The following IGF1R variants were observed in gnomAD, a reference collection of about 807,000 sequenced individuals.
The protein encoded by IGF1R is insulin-like growth factor 1 receptor.
A neutral mutation model predicts 144.6 loss-of-function variants in IGF1R; 44 were observed. That is an observed-to-expected ratio of 0.30 (90% CI 0.24 to 0.39). The LOEUF is 0.39. Among genes scored for constraint, IGF1R ranks in the 10% least tolerant of loss-of-function variants. The pLI is 1.00. For missense variants in IGF1R, 1,355 were observed against 1,833.7 expected (o/e 0.74, Z 4.77); for synonymous variants, 795 against 722.8 (o/e 1.10, Z -1.60).
chr15:98,682,640 C>T lies in IGF1R; in HGVS notation c.95-24922C>T, dbSNP rs890667163. Among the ~76,000 whole-genome samples the T allele has an allele frequency of 4.6e-5, 7 of 152,120 alleles. No homozygotes were observed. The East Asian group carries it at 5.8e-4, about 13-fold the overall frequency. ...TCGGCTCACTGCAGCCTCTGCCTTC[C>T]GAGTTCCAGCAATTCTCCTGCCTCA... On this transcript the variant is annotated intron_variant, in intron 1 of 20. Transcript: ENST00000650285.
chr15:98,778,349 C>T (rs1292587302), intron 2 of IGF1R, among the ~76,000 whole-genome samples: 3 of 152,200 alleles, frequency 2.0e-5, no homozygotes, highest in Non-Finnish European at 4.4e-5. Context: ...CCTTTTGCTT[C>T]GTTCTCACAA....
chr15:98,897,265 C>T (rs1468949203), intron 4 of IGF1R: 2 of 235,746 alleles, frequency 8.5e-6, no homozygotes, highest in Non-Finnish European at 1.7e-5. Context: ...CAAATCCACA[C>T]ATCTTTCAAG....
chr15:98,809,798 C>T (rs11247376), intron 2 of IGF1R, among the ~76,000 whole-genome samples: 133,570 of 152,126 alleles, frequency 0.88, 60,177 homozygotes, highest in Middle Eastern at 0.98. Context: ...TTTGGAGGAA[C>T]GTGGTTCCGG....
intron 2 of IGF1R, among the ~76,000 whole-genome samples, chr15:98,797,552 G>T (rs557918633): frequency 6.6e-6 from 1 of 152,216 alleles, no homozygotes. Flanking sequence ...TTGGGGGAGC[G>T]GGGTGGTGTT....
chr15:98,658,575 C>G (rs1366727017), intron 1 of IGF1R, among the ~76,000 whole-genome samples: 1 of 152,172 alleles, frequency 6.6e-6, no homozygotes, highest in East Asian at 1.9e-4. Context: ...GGGACAAGAT[C>G]ATAACTTTCA....
intron 2 of IGF1R, among the ~76,000 whole-genome samples, chr15:98,886,726 GC>G (rs2013661554): frequency 6.6e-6 from 1 of 152,072 alleles, no homozygotes; most frequent in Admixed American, 6.6e-5. Flanking sequence ...ACTGCCCGGG[GC>G]TTTTCAAGAA....
At chr15:98,750,677 A>G (rs979682959) in intron 2 of IGF1R, among the ~76,000 whole-genome samples, 2 of 152,210 alleles carry the variant, frequency 1.3e-5, no homozygotes, top group African/African-American at 2.4e-5. Context: ...ATAATTGCCT[A>G]AAACTATTCA....
intron 2 of IGF1R, among the ~76,000 whole-genome samples, chr15:98,766,920 T>G (rs1596284556): frequency 6.6e-6 from 1 of 152,210 alleles, no homozygotes; most frequent in African/African-American, 2.4e-5. Context: ...GTAGAAAAAC[T>G]CCAGCTCATC....
intron 2 of IGF1R, among the ~76,000 whole-genome samples, chr15:98,844,833 A>T (rs2011251537): frequency 1.3e-5 from 2 of 152,300 alleles, no homozygotes; most frequent in Non-Finnish European, 2.9e-5. Flanking sequence ...AGCCTTGAAA[A>T]GGCCAAAAGT....
chr15:98,658,967 C>A (rs1483730921), intron 1 of IGF1R, among the ~76,000 whole-genome samples: 3 of 152,210 alleles, frequency 2.0e-5, no homozygotes, highest in Non-Finnish European at 4.4e-5. Flanking sequence ...TCATAGAAAT[C>A]AAATTCGTAC....
intron 2 of IGF1R, among the ~76,000 whole-genome samples, chr15:98,766,927 C>T (rs1455408140): frequency 1.3e-5 from 2 of 152,204 alleles, no homozygotes; most frequent in Non-Finnish European, 2.9e-5. Context: ...AACTCCAGCT[C>T]ATCCAGCCAG....
At chr15:98,763,253 A>C (rs1039782930) in intron 2 of IGF1R, among the ~76,000 whole-genome samples, 1 of 152,132 alleles carries the variant, frequency 6.6e-6, no homozygotes, top group Non-Finnish European at 1.5e-5. Flanking sequence ...CGTCTTACAT[A>C]ACCTAGTTAG....
intron 1 of IGF1R, among the ~76,000 whole-genome samples, chr15:98,694,859 G>T (rs2053561713): frequency 6.6e-6 from 1 of 152,196 alleles, no homozygotes; most frequent in African/African-American, 2.4e-5. Flanking sequence ...AGTTTGAACT[G>T]TGTGTAAGCA....
At chr15:98,948,280 G>A (rs1024293065) in intron 19 of IGF1R, among the ~76,000 whole-genome samples, 1 of 152,172 alleles carries the variant, frequency 6.6e-6, no homozygotes, top group Non-Finnish European at 1.5e-5. Context: ...TATGCTCTGC[G>A]TTCAAAGCAC....
intron 2 of IGF1R, among the ~76,000 whole-genome samples, chr15:98,886,927 C>T (rs2013670265): frequency 6.6e-6 from 1 of 152,162 alleles, no homozygotes; most frequent in Non-Finnish European, 1.5e-5. Context: ...TGCAGCAATG[C>T]TTATTTATGC....
intron 2 of IGF1R, among the ~76,000 whole-genome samples, chr15:98,846,966 G>A (rs543566677): frequency 4.6e-5 from 7 of 152,160 alleles, no homozygotes; most frequent in South Asian, 4.2e-4. Flanking sequence ...AGACAAAGGC[G>A]GAACAGTTCA....
At chr15:98,872,458 T>C (rs1002922894) in intron 2 of IGF1R, among the ~76,000 whole-genome samples, 1 of 152,182 alleles carries the variant, frequency 6.6e-6, no homozygotes, top group Non-Finnish European at 1.5e-5. Context: ...TCCTACCCCA[T>C]GTACACTTCA....
At chr15:98,653,784 T>C (rs532547525) in intron 1 of IGF1R, among the ~76,000 whole-genome samples, 4 of 152,336 alleles carry the variant, frequency 2.6e-5, no homozygotes, top group African/African-American at 9.6e-5. Context: ...CTGCCCTTCC[T>C]ATTGTTGCAA....
chr15:98,924,510 G>A lies in IGF1R; in HGVS notation c.2623-15G>A, dbSNP rs751418806. On this transcript the variant is annotated splice_polypyrimidine_tract_variant and intron_variant, in intron 12 of 20. Transcript: ENST00000650285. The stretch of plus-strand genomic sequence containing the variant: ...GCATTCATGGGAAATTGACATGTAT[G>A]TTTTATTTCCCCAGGATCAGCGAGA... The A allele has an allele frequency of 4.3e-6, 7 of 1,613,750 alleles. No homozygotes were observed. Among genetic ancestry groups the A allele is most frequent in the Admixed American group, 1.7e-5 (1 of 60,000 alleles).
Sources: allele counts gnomAD v4.1 joint callset (sites outside exome capture counted in the v4.1 genomes callset), GRCh38; gene constraint gnomAD v4.1.1; transcripts MANE v1.5; gene names NCBI Gene and HGNC (gene_info 2026-07-23, HGNC 2026-07-21).